Variants in MED13L observed in about 807,000 individuals in gnomAD.
The protein encoded by MED13L is mediator of RNA polymerase II transcription subunit 13-like.
In MED13L, 7 loss-of-function variants were observed where a neutral mutation model predicts 220.9. That is an observed-to-expected ratio of 0.03 (90% CI 0.02 to 0.06). MED13L has a LOEUF of 0.06. MED13L is among the 10% of genes least tolerant of loss of function. The pLI is 1.00. For missense variants in MED13L, 1,965 were observed against 2,760.5 expected (o/e 0.71, Z 6.46); for synonymous variants, 1,011 against 1,015.2 (o/e 1.00, Z 0.08).
intron 13 of MED13L, 49 bp downstream of exon 13, chr12:116,005,820 G>GTCCTT: frequency 6.2e-7 from 1 of 1,608,224 alleles, no homozygotes; most frequent in Non-Finnish European, 8.5e-7. Flanking sequence ...CTGATATAAA[G>GTCCTT]TCCTTTCATG....
intron 2 of MED13L, among the ~76,000 whole-genome samples, chr12:116,168,864 T>C (rs1482488810): frequency 6.6e-6 from 1 of 152,222 alleles, no homozygotes; most frequent in East Asian, 1.9e-4. Context: ...TTTATTATAT[T>C]GGAAATTAAA....
At chr12:116,077,862 AAAAT>A (rs776025476) in intron 4 of MED13L, among the ~76,000 whole-genome samples, 2 of 152,236 alleles carry the variant, frequency 1.3e-5, no homozygotes, top group Non-Finnish European at 2.9e-5. Context: ...GTAAATTAAT[AAAAT>A]AATTGGCCGG....
intron 2 of MED13L, among the ~76,000 whole-genome samples, chr12:116,142,414 T>C (rs1877155031): frequency 6.6e-6 from 1 of 152,088 alleles, no homozygotes; most frequent in Admixed American, 6.5e-5. Context: ...AAAGCCAGAC[T>C]CAGTGGCTCA....
In MED13L at chr12:116,114,334, C is replaced by T. The variant is rs952343168; in HGVS notation, c.311-2822G>A. ...GAAATACTGAGGTGTTAACAGCTCTCCAGGCATGCGCTGTGGAACACTGAA... is the reference window on the plus strand; with the variant it reads ...GAAATACTGAGGTGTTAACAGCTCTTCAGGCATGCGCTGTGGAACACTGAA... On this transcript the variant is annotated intron_variant, in intron 2 of 30. Transcript: ENST00000281928. 1.9e-4 allele frequency among the ~76,000 whole-genome samples: 29 copies of T among 152,298 alleles called. 1 individual carries two copies. The highest frequency in any genetic ancestry group is 7.0e-4 in the African/African-American group (29 of 41,560).
At position 116,099,921 on chromosome 12, in the gene MED13L, C is replaced by T. The variant is rs1010019462; in HGVS notation, c.396-3169G>A. 3.3e-5 allele frequency among the ~76,000 whole-genome samples: 5 copies of T among 152,284 alleles called. No homozygotes were observed. In the East Asian group the frequency reaches 7.7e-4, roughly 24 times the overall value. ...CACACAAAACAGCCATGGAAAATACCGATGCTTCAAGCTGAAACCATGTGT... is the reference window on the plus strand; with the variant it reads ...CACACAAAACAGCCATGGAAAATACTGATGCTTCAAGCTGAAACCATGTGT... On this transcript the variant is annotated intron_variant, in intron 3 of 30. Transcript: ENST00000281928.
At chr12:116,182,639 C>T (rs974593242) in intron 2 of MED13L, among the ~76,000 whole-genome samples, 1 of 152,214 alleles carries the variant, frequency 6.6e-6, no homozygotes, top group East Asian at 1.9e-4. Flanking sequence ...CTCTTTCTCT[C>T]TGACATGTCA....
intron 2 of MED13L, among the ~76,000 whole-genome samples, chr12:116,201,959 G>T (rs1354555934): frequency 6.6e-6 from 1 of 152,146 alleles, no homozygotes; most frequent in African/African-American, 2.4e-5. Flanking sequence ...CATTCTCTTT[G>T]TAAGCTGTAA....
intron 24 of MED13L, 27 bp from the exon 25 acceptor site, chr12:115,975,340 G>T: frequency 1.2e-6 from 2 of 1,613,976 alleles, no homozygotes; most frequent in Non-Finnish European, 1.7e-6. Flanking sequence ...TGGGGAAGGG[G>T]AAGGGGTCCC....
intron 4 of MED13L, among the ~76,000 whole-genome samples, chr12:116,076,796 C>G (rs1474585946): frequency 6.6e-6 from 1 of 152,166 alleles, no homozygotes; most frequent in Non-Finnish European, 1.5e-5. Flanking sequence ...ATAATTCTAA[C>G]AAGCAACAAT....
chr12:116,172,725 C>T (rs1286411113), intron 2 of MED13L, among the ~76,000 whole-genome samples: 1 of 151,960 alleles, frequency 6.6e-6, no homozygotes, highest in Non-Finnish European at 1.5e-5. Flanking sequence ...GTGGGAATCG[C>T]GACAGACTCA....
At chr12:116,005,561 T>C (rs1878997437) in intron 13 of MED13L, among the ~76,000 whole-genome samples, 2 of 152,312 alleles carry the variant, frequency 1.3e-5, no homozygotes, top group South Asian at 4.1e-4. Flanking sequence ...TTTAGAAGAA[T>C]TTATTACAAT....
At chr12:116,177,313 A>G (rs1169846734) in intron 2 of MED13L, among the ~76,000 whole-genome samples, 1 of 152,236 alleles carries the variant, frequency 6.6e-6, no homozygotes, top group East Asian at 1.9e-4. Context: ...ATACAAAAGA[A>G]ATCAGAATAC....
At chr12:116,031,720 GAA>G (rs1254065880) in intron 4 of MED13L, among the ~76,000 whole-genome samples, 127 of 62,172 alleles carry the variant, frequency 2.0e-3, no homozygotes, top group African/African-American at 8.5e-3. Flanking sequence ...GAAAAGAAAA[GAA>G]AAGAAAAGAA....
At chr12:116,251,511 G>A (rs1871560359) in intron 1 of MED13L, among the ~76,000 whole-genome samples, 1 of 146,510 alleles carries the variant, frequency 6.8e-6, no homozygotes, top group African/African-American at 2.5e-5. Flanking sequence ...TGTAATCCCA[G>A]CACTTTGGGA....
At chr12:116,079,449 C>T (rs1871070441) in intron 4 of MED13L, among the ~76,000 whole-genome samples, 1 of 152,058 alleles carries the variant, frequency 6.6e-6, no homozygotes, top group South Asian at 2.1e-4. Flanking sequence ...TGGTCTCGAA[C>T]TCCTAGGCTC....
intron 4 of MED13L, among the ~76,000 whole-genome samples, chr12:116,048,059 GA>G (rs1236041597): frequency 6.7e-6 from 1 of 150,336 alleles, no homozygotes; most frequent in Non-Finnish European, 1.5e-5. Context: ...GAGACAAGTT[GA>G]AAAGCTTGTG....
intron 28 of MED13L, 44 bp from the exon 29 acceptor site, chr12:115,966,287 A>G (rs1454256853): frequency 6.2e-7 from 1 of 1,610,504 alleles, no homozygotes; most frequent in Admixed American, 1.7e-5. Context: ...ATTTATCTTA[A>G]AGCTTGAAAA....
intron 2 of MED13L, among the ~76,000 whole-genome samples, chr12:116,134,741 C>T (rs988353879): frequency 6.6e-6 from 1 of 152,090 alleles, no homozygotes; most frequent in Non-Finnish European, 1.5e-5. Flanking sequence ...CCATGTTATG[C>T]TATTTACGAT....
chr12:116,242,022 A>T (rs1870695351), intron 1 of MED13L, among the ~76,000 whole-genome samples: 1 of 151,036 alleles, frequency 6.6e-6, no homozygotes, highest in Non-Finnish European at 1.5e-5. Flanking sequence ...TAGTTTAAAA[A>T]TTAAGTGCAC....
Sources: gnomAD v4.1 joint callset for allele counts (sites outside exome capture counted in the v4.1 genomes callset) on GRCh38, gnomAD v4.1.1 for gene constraint, MANE v1.5 for transcripts, NCBI Gene and HGNC (gene_info 2026-07-23, HGNC 2026-07-21) for gene names.